CTNNA2: variants seen among roughly 807,000 people sequenced by gnomAD.
CTNNA2 encodes the protein catenin alpha-2.
In CTNNA2, 42 loss-of-function variants were observed where a neutral mutation model predicts 101.0. The ratio of observed to expected loss-of-function variants is 0.42; its 90% CI spans 0.32 to 0.54. The LOEUF is 0.54. CTNNA2 is among the 20% of genes least tolerant of loss of function. The pLI is 0.14. For missense variants in CTNNA2, 871 were observed against 1,223.1 expected (o/e 0.71, Z 4.29); for synonymous variants, 450 against 456.4 (o/e 0.99, Z 0.18).
intron 4 of CTNNA2, among the ~76,000 whole-genome samples, chr2:79,495,137 A>G (rs1164678351): frequency 6.6e-6 from 1 of 152,138 alleles, no homozygotes; most frequent in Non-Finnish European, 1.5e-5. Context: ...ACAAACAAAA[A>G]AACAACAACT....
At chr2:79,442,253 T>C (rs1348454880) in intron 4 of CTNNA2, among the ~76,000 whole-genome samples, 1 of 152,222 alleles carries the variant, frequency 6.6e-6, no homozygotes, top group Non-Finnish European at 1.5e-5. Context: ...TCAGCATGGA[T>C]GTTTTTGTTT....
Position 80,310,150 on chromosome 2 carries a change from A to G in CTNNA2, c.1057-83061A>G, listed in dbSNP as rs989608319. Among the ~76,000 whole-genome samples, 5 of 152,236 alleles carry G rather than the reference A, an allele frequency of 3.3e-5. No homozygotes were observed. In the East Asian group the frequency reaches 7.7e-4, roughly 23 times the overall value. The stretch of plus-strand genomic sequence containing the variant: ...CATTGATTCCCTAGTTTTGTAATTG[A>G]GAAGCTAAAGGGACAGAAATGTTAA... On this transcript the variant is annotated intron_variant, in intron 7 of 18. Transcript: ENST00000402739.
At chr2:80,466,601 A>G (rs1284353374) in intron 9 of CTNNA2, among the ~76,000 whole-genome samples, 2 of 152,196 alleles carry the variant, frequency 1.3e-5, no homozygotes, top group Non-Finnish European at 2.9e-5. Context: ...TTTTGTCCAC[A>G]TATTTCTTCA....
intron 12 of CTNNA2, among the ~76,000 whole-genome samples, chr2:80,556,585 T>TAA (rs143745231): frequency 1.3e-5 from 2 of 150,930 alleles, no homozygotes; most frequent in African/African-American, 4.9e-5. Flanking sequence ...TGCATTGGGG[T>TAA]AAAAAAAAAT....
At chr2:80,637,582 ATC>A (rs1673015304) in intron 18 of CTNNA2, among the ~76,000 whole-genome samples, 1 of 152,154 alleles carries the variant, frequency 6.6e-6, no homozygotes, top group Admixed American at 6.5e-5. Flanking sequence ...TGGGAACGGA[ATC>A]TCTCTGCTCT....
intron 18 of CTNNA2, among the ~76,000 whole-genome samples, chr2:80,644,410 A>C (rs906809182): frequency 6.6e-6 from 1 of 152,164 alleles, no homozygotes; most frequent in Non-Finnish European, 1.5e-5. Context: ...AGAGAATGCA[A>C]CTATGTTAAA....
intron 15 of CTNNA2, among the ~76,000 whole-genome samples, chr2:80,595,259 A>T (rs547209095): frequency 1.1e-4 from 16 of 150,750 alleles, no homozygotes; most frequent in African/African-American, 3.7e-4. Flanking sequence ...TTCTAAATGG[A>T]GTTATTTTCT....
At chr2:80,535,633 A>G (rs1321673343) in intron 9 of CTNNA2, among the ~76,000 whole-genome samples, 1 of 152,170 alleles carries the variant, frequency 6.6e-6, no homozygotes, top group Non-Finnish European at 1.5e-5. Flanking sequence ...AATGACCAAG[A>G]GTGCCAGATG....
intron 9 of CTNNA2, among the ~76,000 whole-genome samples, chr2:80,508,143 G>A (rs1378616401): frequency 6.6e-6 from 1 of 152,106 alleles, no homozygotes; most frequent in Non-Finnish European, 1.5e-5. Flanking sequence ...TTAAATGTGA[G>A]ACGGGTACTT....
intron 7 of CTNNA2, among the ~76,000 whole-genome samples, chr2:80,117,455 A>AGAGTGTGTGTGTGTGTGT (rs143379167): frequency 4.8e-5 from 7 of 145,988 alleles, no homozygotes; most frequent in African/African-American, 1.8e-4. Flanking sequence ...TTCCTGTGTG[A>AGAGTGTGTGTGTGTGTGT]GTGTGTGTGT....
chr2:80,117,086 A>G (rs1701566933), intron 7 of CTNNA2, among the ~76,000 whole-genome samples: 1 of 152,170 alleles, frequency 6.6e-6, no homozygotes, highest in Non-Finnish European at 1.5e-5. Context: ...CCTTTCCACT[A>G]TGAAGGTGTC....
intron 7 of CTNNA2, among the ~76,000 whole-genome samples, chr2:80,183,553 A>G (rs1193048928): frequency 6.6e-6 from 1 of 152,180 alleles, no homozygotes; most frequent in African/African-American, 2.4e-5. Flanking sequence ...GAGGGAGGGT[A>G]AACTTGAAAG....
At chr2:80,431,043 C>T (rs909195636) in intron 9 of CTNNA2, among the ~76,000 whole-genome samples, 6 of 151,966 alleles carry the variant, frequency 3.9e-5, no homozygotes, top group Non-Finnish European at 5.9e-5. Flanking sequence ...TTTAATTGCC[C>T]AGGAAAAAAA....
At chr2:80,234,053 GTT>G (rs66695624) in intron 7 of CTNNA2, among the ~76,000 whole-genome samples, 29 of 147,726 alleles carry the variant, frequency 2.0e-4, no homozygotes, top group African/African-American at 5.5e-4. Flanking sequence ...CTCACTATTT[GTT>G]TTTTTTTTTG....
chr2:79,928,373 G>A (rs1447099462), intron 7 of CTNNA2, among the ~76,000 whole-genome samples: 5 of 152,062 alleles, frequency 3.3e-5, no homozygotes, highest in Non-Finnish European at 7.4e-5. Context: ...TAGATACTTT[G>A]GAACAGGAAA....
chr2:80,306,661 A>G (rs184778229), intron 7 of CTNNA2, among the ~76,000 whole-genome samples: 43 of 151,960 alleles, frequency 2.8e-4, no homozygotes, highest in Non-Finnish European at 5.9e-5. Flanking sequence ...ACAGCAGGCC[A>G]GCTGATGGAG....
intron 7 of CTNNA2, among the ~76,000 whole-genome samples, chr2:80,126,046 C>T (rs1380294398): frequency 3.9e-5 from 6 of 152,142 alleles, no homozygotes; most frequent in African/African-American, 1.4e-4. Flanking sequence ...CCTCTCTTGC[C>T]TGATATAAAC....
upstream of CTNNA2, among the ~76,000 whole-genome samples, chr2:79,512,758 A>G (rs1361423561): frequency 1.3e-5 from 2 of 150,916 alleles, no homozygotes; most frequent in African/African-American, 4.9e-5. Context: ...CCGCGCCTCC[A>G]GAGCTCCGCC....
intron 3 of CTNNA2, among the ~76,000 whole-genome samples, chr2:79,813,572 G>T (rs1318291407): frequency 4.6e-5 from 7 of 152,146 alleles, no homozygotes; most frequent in Non-Finnish European, 1.0e-4. Context: ...TTCAATTTGG[G>T]ATGTGTGAGT....
Sources: gnomAD v4.1 joint callset for allele counts (sites outside exome capture counted in the v4.1 genomes callset) on GRCh38, gnomAD v4.1.1 for gene constraint, MANE v1.5 for transcripts, NCBI Gene and HGNC (gene_info 2026-07-23, HGNC 2026-07-21) for gene names.